Variants in UVRAG observed in about 807,000 individuals in gnomAD.
UVRAG encodes the protein UV radiation resistance-associated gene protein.
In UVRAG, 19 loss-of-function variants were observed where a neutral mutation model predicts 78.0. That is an observed-to-expected ratio of 0.24 (90% CI 0.17 to 0.36). The LOEUF is 0.36. UVRAG is among the 10% of genes least tolerant of loss of function. UVRAG has a pLI of 1.00. For missense variants in UVRAG, 740 were observed against 853.8 expected, an observed-to-expected ratio of 0.87 and a Z score of 1.66; for synonymous variants, 323 against 324.6, an observed-to-expected ratio of 1.00 and a Z score of 0.05.
chr11:76,075,364 A>T (rs979755179), intron 13 of UVRAG, among the ~76,000 whole-genome samples: 9 of 152,290 alleles, frequency 5.9e-5, no homozygotes, highest in Middle Eastern at 3.4e-3. Flanking sequence ...TAATGCCAGC[A>T]CTTTGGGAGG....
At chr11:75,939,026 C>T (rs1252000666) in intron 6 of UVRAG, among the ~76,000 whole-genome samples, 3 of 152,062 alleles carry the variant, frequency 2.0e-5, no homozygotes, top group African/African-American at 7.2e-5. Flanking sequence ...TTTCTCTACT[C>T]TCAGATGTTA....
intron 13 of UVRAG, among the ~76,000 whole-genome samples, chr11:76,085,085 A>G (rs2134417002): frequency 6.6e-6 from 1 of 151,624 alleles, no homozygotes; most frequent in South Asian, 2.1e-4. Flanking sequence ...AAAAAAAAAA[A>G]AAAATCTAAT....
chr11:75,865,130 A>G (rs1435132506), intron 3 of UVRAG, among the ~76,000 whole-genome samples: 1 of 152,084 alleles, frequency 6.6e-6, no homozygotes, highest in Non-Finnish European at 1.5e-5. Context: ...TCTACTAAAA[A>G]TATAAAATTA....
At chr11:76,040,948 A>G (rs1339389207) in intron 12 of UVRAG, among the ~76,000 whole-genome samples, 1 of 152,204 alleles carries the variant, frequency 6.6e-6, no homozygotes, top group African/African-American at 2.4e-5. Flanking sequence ...GTTACTTGAC[A>G]ATAAGAAGAA....
intron 13 of UVRAG, among the ~76,000 whole-genome samples, chr11:76,112,046 G>T (rs138522578): frequency 4.5e-4 from 69 of 151,872 alleles, no homozygotes; most frequent in Non-Finnish European, 7.4e-4. Context: ...TAGGCAATAA[G>T]AGTATTCATA....
At chr11:76,006,685 A>AAAAAG in intron 9 of UVRAG, among the ~76,000 whole-genome samples, 1 of 149,278 alleles carries the variant, frequency 6.7e-6, no homozygotes, top group Non-Finnish European at 1.5e-5. Context: ...AAAAAAAAAA[A>AAAAAG]AGAGAGAGAG....
rs759980137 is a variant in UVRAG at position 76,141,317 on chromosome 11, A to G, written c.2004A>G (p.Gln668=). 1.9e-6 allele frequency: 3 copies of G among 1,614,126 alleles called. No homozygotes were observed. The African/African-American group carries it at 4.0e-5, about 22-fold the overall frequency. The change falls in exon 15 of 15, where the codon CAA becomes CAG. Residue 668 remains glutamine, a synonymous_variant. Transcript: ENST00000356136. ...CTGTGGCAGTAGAGTGTGACGAACA[A>G]GTTCTGGGAGAATTTGAAGAGTTCT... ...DSAVAVECDE[Q]VLGEFEEFSR... is the part of the protein sequence containing the mutation.
intron 12 of UVRAG, among the ~76,000 whole-genome samples, chr11:76,047,201 C>G (rs906656316): frequency 1.1e-4 from 16 of 152,124 alleles, no homozygotes; most frequent in African/African-American, 3.4e-4. Flanking sequence ...TCTTTTGGGA[C>G]TAGGGGAAGG....
At chr11:76,027,842 A>G (rs1034449217) in intron 12 of UVRAG, among the ~76,000 whole-genome samples, 5 of 152,118 alleles carry the variant, frequency 3.3e-5, no homozygotes, top group African/African-American at 1.2e-4. Flanking sequence ...GTTGTGAGGT[A>G]CATCATCTTT....
chr11:76,028,599 G>C (rs1950375823), intron 12 of UVRAG, among the ~76,000 whole-genome samples: 1 of 152,128 alleles, frequency 6.6e-6, no homozygotes, highest in Non-Finnish European at 1.5e-5. Flanking sequence ...TTGCTGATAT[G>C]GATAGAGTTT....
chr11:76,131,494 A>G (rs370696188), intron 14 of UVRAG, among the ~76,000 whole-genome samples: 19 of 152,294 alleles, frequency 1.2e-4, no homozygotes, highest in Non-Finnish European at 2.6e-4. Flanking sequence ...TCTTTCACCA[A>G]TTCATCTTTC....
At chr11:76,051,211 A>G (rs1340884760) in intron 12 of UVRAG, among the ~76,000 whole-genome samples, 4 of 151,910 alleles carry the variant, frequency 2.6e-5, no homozygotes, top group African/African-American at 9.7e-5. Context: ...TTCTGGCATT[A>G]CCAAGTATTT....
At chr11:76,052,148 C>T (rs1950882772) in intron 12 of UVRAG, among the ~76,000 whole-genome samples, 1 of 152,200 alleles carries the variant, frequency 6.6e-6, no homozygotes, top group African/African-American at 2.4e-5. Flanking sequence ...TCTGTCTAAC[C>T]CACTGGACTT....
At chr11:75,891,274 G>A (rs560305192) in intron 5 of UVRAG, among the ~76,000 whole-genome samples, 12 of 152,252 alleles carry the variant, frequency 7.9e-5, no homozygotes, top group Middle Eastern at 3.4e-3. Flanking sequence ...TTTGGGGTAT[G>A]CAGTTTGCTT....
intron 1 of UVRAG, among the ~76,000 whole-genome samples, chr11:75,847,874 G>T (rs899565537): frequency 2.6e-5 from 4 of 151,900 alleles, no homozygotes; most frequent in Admixed American, 6.6e-5. Context: ...AGGAGGCTGA[G>T]GCTGGGGAAA....
At chr11:76,101,887 T>C (rs544325418) in intron 13 of UVRAG, among the ~76,000 whole-genome samples, 1 of 152,334 alleles carries the variant, frequency 6.6e-6, no homozygotes, top group South Asian at 2.1e-4. Flanking sequence ...GAACAGATGG[T>C]TGTACGTGTA....
intron 13 of UVRAG, among the ~76,000 whole-genome samples, chr11:76,093,082 C>T (rs544068461): frequency 2.4e-4 from 37 of 152,274 alleles, no homozygotes; most frequent in Non-Finnish European, 3.8e-4. Context: ...GCACCATTTA[C>T]TAAATAGGGA....
At chr11:76,105,282 G>T (rs1431921177) in intron 13 of UVRAG, among the ~76,000 whole-genome samples, 1 of 152,158 alleles carries the variant, frequency 6.6e-6, no homozygotes, top group Non-Finnish European at 1.5e-5. Context: ...GTGCACACCT[G>T]TAGTCCCAGC....
intron 5 of UVRAG, among the ~76,000 whole-genome samples, chr11:75,901,112 A>G (rs1347473672): frequency 6.6e-6 from 1 of 152,214 alleles, no homozygotes; most frequent in African/African-American, 2.4e-5. Context: ...GCTGATGCCT[A>G]GAAGTGTTAT....
Sources: gnomAD v4.1 joint callset for allele counts (sites outside exome capture counted in the v4.1 genomes callset) on GRCh38, gnomAD v4.1.1 for gene constraint, MANE v1.5 for transcripts, NCBI Gene and HGNC (gene_info 2026-07-23, HGNC 2026-07-21) for gene names.